Variants in DNAH9 observed in about 807,000 individuals in gnomAD.
DNAH9 encodes the protein DNAH9 variant protein.
In DNAH9, 345 loss-of-function variants were observed where a neutral mutation model predicts 471.6. That is an observed-to-expected ratio of 0.73 (90% CI 0.67 to 0.80). The LOEUF (loss-of-function observed/expected upper bound fraction) is 0.80, where lower values mean the gene tolerates loss of function less well. Among genes scored for constraint, DNAH9 ranks in the 30% least tolerant of loss-of-function variants. The pLI, the probability that DNAH9 is intolerant of heterozygous loss-of-function variation, is 0.00. For synonymous variants in DNAH9, 2,093 were observed against 2,123.6 expected, an observed-to-expected ratio of 0.99 and a Z score of 0.40; for missense variants, 5,407 against 5,609.2, an observed-to-expected ratio of 0.96 and a Z score of 1.15.
intron 48 of DNAH9, among the ~76,000 whole-genome samples, chr17:11,827,847 G>A (rs1407061528): frequency 3.3e-5 from 5 of 151,848 alleles, no homozygotes; most frequent in East Asian, 2.0e-4. Context: ...CACCACACCC[G>A]GCTAATTTTT....
chr17:11,920,035 C>CT (rs1165405913), intron 61 of DNAH9, among the ~76,000 whole-genome samples: 1,534 of 135,928 alleles, frequency 0.011, 27 homozygotes, highest in African/African-American at 0.033. Context: ...TAAGTTCTTT[C>CT]TTTTTTTTTT....
intron 32 of DNAH9, among the ~76,000 whole-genome samples, chr17:11,749,689 T>G (rs1459993535): frequency 1.3e-5 from 2 of 152,042 alleles, no homozygotes; most frequent in African/African-American, 4.8e-5. Flanking sequence ...TTTATTTCCT[T>G]CTAGATGGAT....
In DNAH9 at chr17:11,679,844, G is replaced by A. The variant is rs756046761; in HGVS notation, c.3441G>A (p.Glu1147=). 7 of 1,614,144 alleles carry A rather than the reference G, an allele frequency of 4.3e-6. No homozygotes were observed. In the East Asian group the frequency reaches 1.6e-4, roughly 36 times the overall value. The stretch of plus-strand genomic sequence containing the variant: ...AAGGAGATTTCCAAGGCTTGGTTGA[G>A]ATCATGGGACACCTTATGGCTGTTA... ...VEKGDFQGLV[E]IMGHLMAVKE... Residue 1147 remains glutamate (E), a synonymous_variant, in exon 18 of 69, where the codon GAG becomes GAA. Coordinates refer to ENST00000262442, the MANE Select transcript of DNAH9 (RefSeq NM_001372.4).
chr17:11,936,361 G>T (rs1226321433), intron 65 of DNAH9, among the ~76,000 whole-genome samples: 1 of 152,196 alleles, frequency 6.6e-6, no homozygotes, highest in Non-Finnish European at 1.5e-5. Flanking sequence ...CAGGCGCGGT[G>T]GCTCCCGCCT....
intron 36 of DNAH9, among the ~76,000 whole-genome samples, chr17:11,767,494 G>A (rs565182240): frequency 2.6e-5 from 4 of 151,844 alleles, no homozygotes; most frequent in East Asian, 1.9e-4. Context: ...CCCTTTTTTC[G>A]GGTTTCATAG....
intron 28 of DNAH9, among the ~76,000 whole-genome samples, chr17:11,731,017 G>A (rs965087806): frequency 2.4e-5 from 2 of 82,042 alleles, no homozygotes; most frequent in African/African-American, 4.6e-5. Flanking sequence ...AATGATGATG[G>A]TGGTGATGAT....
rs750121819 is a variant in DNAH9 at position 11,690,240 on chromosome 17, A to G, written c.4418A>G (p.Glu1473Gly). 1.1e-5 allele frequency: 17 copies of G among 1,614,174 alleles called. No homozygotes were observed. The highest frequency in any genetic ancestry group is 3.3e-5 in the Admixed American group (2 of 60,032). Residue 1473 changes from glutamate (E) to glycine (G), a missense_variant, in exon 20 of 69, where the codon GAG becomes GGG. Transcript: ENST00000262442. ...CSDEDLIEVL[E>G]DNQVQLQNLV... Reference sequence around the variant, plus strand: ...GATGAGGACCTCATAGAGGTTCTGGAGGATAATCAAGTTCAACTTCAGAAC... The same window carrying G: ...GATGAGGACCTCATAGAGGTTCTGGGGGATAATCAAGTTCAACTTCAGAAC...
chr17:11,632,029 C>T (rs1278174034), intron 7 of DNAH9, among the ~76,000 whole-genome samples: 2 of 152,012 alleles, frequency 1.3e-5, no homozygotes, highest in East Asian at 3.9e-4. Flanking sequence ...CTGAGTGCCT[C>T]GTAGTTTTAT....
At chr17:11,697,190 ATTTGAGTACATT>A (rs1191121069) in intron 22 of DNAH9, among the ~76,000 whole-genome samples, 4 of 152,136 alleles carry the variant, frequency 2.6e-5, no homozygotes, top group Non-Finnish European at 4.4e-5. Context: ...TTCATTTCTT[ATTTGAGTACATT>A]TTTGAGTATT....
intron 65 of DNAH9, among the ~76,000 whole-genome samples, chr17:11,934,282 G>A (rs1027960892): frequency 8.6e-5 from 13 of 152,028 alleles, no homozygotes; most frequent in African/African-American, 2.7e-4. Flanking sequence ...TGAGAGATAC[G>A]GGATTTCTAG....
rs1040193638 is a variant in DNAH9 at position 11,892,122 on chromosome 17, C to A, written c.11283+175C>A. 6.6e-6 allele frequency among the ~76,000 whole-genome samples: 1 copy of A among 152,190 alleles called. No homozygotes were observed. The highest frequency in any genetic ancestry group is 1.5e-5 in the Non-Finnish European group (1 of 68,036). On this transcript the variant is annotated intron_variant, in intron 58 of 68. Transcript: ENST00000262442. This position sits in a 1 kb window ranked among gnomAD's most constrained non-coding sequence, Gnocchi z 4.3. ...ATGTGGTGTGTGCATCTGCCCCCAC[C>A]ATTTCCCACTTATGGCAGACATACT...
At chr17:11,707,959 CCACA>C (rs756020074) in intron 26 of DNAH9, among the ~76,000 whole-genome samples, 211 of 106,504 alleles carry the variant, frequency 2.0e-3, no homozygotes, top group African/African-American at 4.9e-3. Flanking sequence ...GCCTCTCCCA[CCACA>C]CACACACACA....
intron 31 of DNAH9, among the ~76,000 whole-genome samples, 167 bp downstream of exon 31, chr17:11,745,251 G>T (rs868330237): frequency 2.6e-5 from 4 of 152,324 alleles, no homozygotes; most frequent in Middle Eastern, 3.4e-3. Context: ...GACCCACAAT[G>T]TGGAATGCAT....
rs879573956 is a variant in DNAH9, at chr17:11,809,348, G to A, written c.8584-898G>A. 5.3e-5 allele frequency among the ~76,000 whole-genome samples: 8 copies of A among 151,990 alleles called. No individual in the cohort carries two copies. The East Asian group carries it at 5.8e-4, about 11-fold the overall frequency. Reference sequence around the variant, plus strand: ...TGGGAGGCTGAGGGGAGTGGATCACGAGGTCAGGAGATCGAAACCATCCTG... The same window carrying A: ...TGGGAGGCTGAGGGGAGTGGATCACAAGGTCAGGAGATCGAAACCATCCTG... On this transcript the variant is annotated intron_variant, in intron 44 of 68. Transcript: ENST00000262442.
At chr17:11,967,773 C>T (rs1976861900) in intron 68 of DNAH9, among the ~76,000 whole-genome samples, 1 of 151,976 alleles carries the variant, frequency 6.6e-6, no homozygotes, top group South Asian at 2.1e-4. Flanking sequence ...GCCATGCAAA[C>T]AGTAACCAAA....
intron 49 of DNAH9, among the ~76,000 whole-genome samples, chr17:11,852,816 A>ATG (rs1296007913): frequency 1.1e-4 from 3 of 26,920 alleles, no homozygotes; most frequent in Non-Finnish European, 1.8e-4. Flanking sequence ...GTGTGTGTGT[A>ATG]TATATATATA....
At chr17:11,839,849 TTATG>T (rs1438755931) in intron 49 of DNAH9, among the ~76,000 whole-genome samples, 2 of 152,214 alleles carry the variant, frequency 1.3e-5, no homozygotes, top group Non-Finnish European at 2.9e-5. Context: ...ATAGTTATAT[TTATG>T]TATGTACAGT....
At chr17:11,889,588 T>G (rs983171225) in intron 57 of DNAH9, among the ~76,000 whole-genome samples, 1 of 152,252 alleles carries the variant, frequency 6.6e-6, no homozygotes, top group African/African-American at 2.4e-5. Flanking sequence ...TTTGATACCC[T>G]TGGTCTAGAG....
At chr17:11,645,277 A>G (rs1038954325) in intron 11 of DNAH9, among the ~76,000 whole-genome samples, 1 of 152,208 alleles carries the variant, frequency 6.6e-6, no homozygotes, top group African/African-American at 2.4e-5. Flanking sequence ...TATGCTTAGC[A>G]TTGTTCCAGA....
Sources: allele counts gnomAD v4.1 joint callset (sites outside exome capture counted in the v4.1 genomes callset), GRCh38; gene constraint gnomAD v4.1.1; non-coding constraint Gnocchi (gnomAD v3.1); transcripts MANE v1.5; gene names NCBI Gene and HGNC (gene_info 2026-07-23, HGNC 2026-07-21).